GCSAM: variants seen among roughly 807,000 people sequenced by gnomAD.
The protein encoded by GCSAM is germinal center-associated signaling and motility protein.
In GCSAM, 8 loss-of-function variants were observed where a neutral mutation model predicts 17.6. The ratio of observed to expected loss-of-function variants is 0.46; its 90% CI spans 0.27 to 0.82. The LOEUF (loss-of-function observed/expected upper bound fraction) is 0.82, where lower values mean the gene tolerates loss of function less well. GCSAM is among the 40% of genes least tolerant of loss of function. The probability of loss-of-function intolerance (pLI) is 0.15; values close to 1 mark genes in which losing one functional copy is unlikely to be tolerated. For missense variants in GCSAM, 192 were observed against 213.5 expected, an observed-to-expected ratio of 0.90 and a Z score of 0.63; for synonymous variants, 68 against 69.0, an observed-to-expected ratio of 0.98 and a Z score of 0.07.
At chr3:112,126,120 GT>G (rs1041784926) in intron 4 of GCSAM, among the ~76,000 whole-genome samples, 4 of 152,148 alleles carry the variant, frequency 2.6e-5, no homozygotes, top group Non-Finnish European at 5.9e-5. Context: ...TCAGCATAGA[GT>G]TTTAGCATCT....
rs1048080380 is a variant in GCSAM at position 112,122,702 on chromosome 3, C to G, written c.*753G>C. ...GCTCCAAATTAAGTTTTGCCACTAACTTTAATGTATCATTAGGCAAATTAT... is the reference window on the plus strand; with the variant it reads ...GCTCCAAATTAAGTTTTGCCACTAAGTTTAATGTATCATTAGGCAAATTAT... On this transcript the variant is annotated 3_prime_UTR_variant, in exon 6 of 6. Coordinates refer to ENST00000308910, the MANE Select transcript of GCSAM (RefSeq NM_152785.5). 6.6e-6 allele frequency: 1 copy of G among 152,144 alleles called. No homozygotes were observed. The highest frequency in any genetic ancestry group is 1.5e-5 in the Non-Finnish European group (1 of 68,040). 9.4% of individuals were successfully genotyped at this position (152,144 alleles called of 1,614,324 possible). A position where few individuals can be genotyped will look rare whatever the true frequency, so the allele number is the denominator to read the frequency against.
At chr3:112,131,762 G>T (rs564037259) in intron 1 of GCSAM, among the ~76,000 whole-genome samples, 2 of 152,190 alleles carry the variant, frequency 1.3e-5, no homozygotes, top group Non-Finnish European at 2.9e-5. Flanking sequence ...CAAAACTTAT[G>T]TGAGTTGATT....
chr3:112,126,057 A>G (rs1353455986), intron 4 of GCSAM, among the ~76,000 whole-genome samples: 1 of 152,172 alleles, frequency 6.6e-6, no homozygotes, highest in African/African-American at 2.4e-5. Context: ...CATCTCCATA[A>G]GCTCCTATAG....
At chr3:112,125,156 TCTC>T (rs2074287597) in intron 5 of GCSAM, 67 bp downstream of exon 5, 4 of 1,012,160 alleles carry the variant, frequency 4.0e-6, no homozygotes, top group South Asian at 1.3e-5. Context: ...GAGGCCAACT[TCTC>T]CTGCCATTTA....
chr3:112,123,481 A>C lies in GCSAM; in HGVS notation c.511T>G (p.Ser171Ala). Reference sequence around the variant, plus strand: ...TATAAATGGGAAAACTGAGTCTCAGAAGGGGCCATAAGTGGACGTGGCTGT... The same window carrying C: ...TATAAATGGGAAAACTGAGTCTCAGCAGGGGCCATAAGTGGACGTGGCTGT... ...LQQPRPLMAP[S>A]ETQFSHL Residue 171 changes from serine to alanine, a missense_variant, in exon 6 of 6, where the codon TCT (serine) becomes GCT (alanine). Ser to Ala is a moderately conservative substitution (Grantham distance 99, BLOSUM62 1). Transcript: ENST00000308910. The C allele has an allele frequency of 1.2e-6, 2 of 1,614,130 alleles. No individual in the cohort carries two copies.
intron 2 of GCSAM, chr3:112,129,177 A>G (rs1484125039): frequency 6.6e-6 from 1 of 152,240 alleles, no homozygotes; most frequent in Non-Finnish European, 1.5e-5. Flanking sequence ...CTAAGGAAAC[A>G]TCGTAAGAAA....
At chr3:112,127,862 G>A (rs1329670653) in intron 3 of GCSAM, among the ~76,000 whole-genome samples, 155 bp downstream of exon 3, 1 of 152,142 alleles carries the variant, frequency 6.6e-6, no homozygotes, top group African/African-American at 2.4e-5. Context: ...TCATCAAATT[G>A]GAAGGATTGC....
chr3:112,124,642 T>C (rs148772224), intron 5 of GCSAM, among the ~76,000 whole-genome samples: 4 of 152,114 alleles, frequency 2.6e-5, no homozygotes, highest in Non-Finnish European at 4.4e-5. Context: ...AATAATCTTA[T>C]GATATCTTAA....
At chr3:112,124,570 T>C (rs1362963471) in intron 5 of GCSAM, among the ~76,000 whole-genome samples, 3 of 152,148 alleles carry the variant, frequency 2.0e-5, no homozygotes, top group Non-Finnish European at 4.4e-5. Flanking sequence ...ATCGTGCCAT[T>C]GCACTCCAGC....
chr3:112,132,426 A>G (rs2107817921), intron 1 of GCSAM, among the ~76,000 whole-genome samples: 1 of 152,294 alleles, frequency 6.6e-6, no homozygotes, highest in South Asian at 2.1e-4. Flanking sequence ...CACGGCTTTG[A>G]TATTAAGGAA....
rs750534131 is a variant in GCSAM at position 112,128,000 on chromosome 3, A to C, written c.143+17T>G. ...CACACTTAGGGAAATAACTCCTAAAAACAACTGTCCACTCACCATGGAAGG... is the reference window on the plus strand; with the variant it reads ...CACACTTAGGGAAATAACTCCTAAACACAACTGTCCACTCACCATGGAAGG... On this transcript the variant is annotated intron_variant, in intron 3 of 5. Transcript: ENST00000308910. 4 of 1,611,026 alleles carry C rather than the reference A, an allele frequency of 2.5e-6. No homozygotes were observed. In the Admixed American group the frequency reaches 6.7e-5, roughly 27 times the overall value.
At chr3:112,126,734 TG>T in intron 4 of GCSAM, among the ~76,000 whole-genome samples, 1 of 152,314 alleles carries the variant, frequency 6.6e-6, no homozygotes, top group East Asian at 1.9e-4. Context: ...TTTGTATCCT[TG>T]CCCCCAGTTA....
intron 5 of GCSAM, among the ~76,000 whole-genome samples, chr3:112,124,712 A>T (rs1339387675): frequency 6.6e-6 from 1 of 152,224 alleles, no homozygotes; most frequent in Non-Finnish European, 1.5e-5. Context: ...TAAATAGGGA[A>T]GCGACTCAAG....
At chr3:112,131,472 G>A (rs185880846) in intron 1 of GCSAM, among the ~76,000 whole-genome samples, 26 of 152,152 alleles carry the variant, frequency 1.7e-4, no homozygotes, top group Admixed American at 1.2e-3. Context: ...ATACGTTAAC[G>A]GAAACATTTT....
chr3:112,126,481 GTTC>G (rs1299421962), intron 4 of GCSAM, among the ~76,000 whole-genome samples: 6 of 152,134 alleles, frequency 3.9e-5, no homozygotes, highest in African/African-American at 7.2e-5. Flanking sequence ...CCTCGTAAGT[GTTC>G]TTCTGGTATC....
chr3:112,125,665 C>T (rs2074300880), intron 4 of GCSAM, among the ~76,000 whole-genome samples: 1 of 152,212 alleles, frequency 6.6e-6, no homozygotes, highest in African/African-American at 2.4e-5. Flanking sequence ...GGCTCACAAG[C>T]TAGCACAGGA....
chr3:112,132,930 G>T lies in GCSAM; in HGVS notation c.29+162C>A, dbSNP rs1014588108. On this transcript the variant is annotated intron_variant, in intron 1 of 5. Transcript: ENST00000308910. Reference sequence around the variant, plus strand: ...CAAAACCTATGGGAAATTTAATGTGGTATCTGGCACAGAGTAGGCACTGAA... The same window carrying T: ...CAAAACCTATGGGAAATTTAATGTGTTATCTGGCACAGAGTAGGCACTGAA... The T allele has an allele frequency of 1.4e-5, 9 of 643,048 alleles. No individual in the cohort carries two copies. The African/African-American group carries it at 1.5e-4, about 11-fold the overall frequency. The allele number at this position is 643,048 out of a possible 1,614,324, so 39.8% of individuals were successfully genotyped here.
At chr3:112,131,382 G>T (rs568856772) in intron 1 of GCSAM, among the ~76,000 whole-genome samples, 1 of 152,170 alleles carries the variant, frequency 6.6e-6, no homozygotes, top group South Asian at 2.1e-4. Flanking sequence ...AGACACGGTT[G>T]GGGGGGTATG....
Position 112,121,354 on chromosome 3 carries a change from T to G in GCSAM, c.*2101A>C, listed in dbSNP as rs2074195224. The G allele has an allele frequency of 6.6e-6, 1 of 152,198 alleles. No individual in the cohort carries two copies. Among genetic ancestry groups the G allele is most frequent in the South Asian group, 2.1e-4 (1 of 4,828 alleles). 9.4% of individuals were successfully genotyped at this position (152,198 alleles called of 1,614,324 possible). A position where few individuals can be genotyped will look rare whatever the true frequency, so the allele number is the denominator to read the frequency against. On this transcript the variant is annotated 3_prime_UTR_variant, in exon 6 of 6. Coordinates refer to ENST00000308910, the MANE Select transcript of GCSAM (RefSeq NM_152785.5). ...TGAATAGCCAGCTGTATCAGCATGGTTTTTTTCCGTACATCATAAAAGATT... is the reference window on the plus strand; with the variant it reads ...TGAATAGCCAGCTGTATCAGCATGGGTTTTTTCCGTACATCATAAAAGATT...
Sources: allele counts gnomAD v4.1 joint callset (sites outside exome capture counted in the v4.1 genomes callset), GRCh38; gene constraint gnomAD v4.1.1; transcripts MANE v1.5; gene names NCBI Gene and HGNC (gene_info 2026-07-23, HGNC 2026-07-21).